Variants in ADCY2 observed in about 807,000 individuals in gnomAD.
ADCY2 encodes the protein adenylate cyclase 2, also known as adenylate cyclase type 2.
Under a neutral mutation model 125.2 loss-of-function variants are expected in ADCY2, and 31 were observed. That is an observed-to-expected ratio of 0.25 (90% CI 0.19 to 0.33). ADCY2 has a LOEUF of 0.33. ADCY2 is among the 10% of genes least tolerant of loss of function. ADCY2 has a pLI of 1.00. For synonymous variants in ADCY2, 512 were observed against 548.4 expected (o/e 0.93, Z 0.93); for missense variants, 904 against 1,418.2 (o/e 0.64, Z 5.82).
intron 17 of ADCY2, among the ~76,000 whole-genome samples, chr5:7,769,949 G>A (rs1430282953): frequency 4.6e-5 from 7 of 152,116 alleles, no homozygotes; most frequent in East Asian, 1.9e-4. Flanking sequence ...TGCCAGAATC[G>A]CTGACTATCT....
At chr5:7,690,003 T>C (rs1740653818) in intron 4 of ADCY2, among the ~76,000 whole-genome samples, 1 of 152,226 alleles carries the variant, frequency 6.6e-6, no homozygotes, top group South Asian at 2.1e-4. Context: ...TATGTTAAAA[T>C]GAGTACAATA....
chr5:7,560,090 A>C (rs1005908839), intron 3 of ADCY2, among the ~76,000 whole-genome samples: 2 of 152,240 alleles, frequency 1.3e-5, no homozygotes, highest in Non-Finnish European at 2.9e-5. Context: ...ACATATGTGC[A>C]CTAACAGAGA....
At chr5:7,406,316 A>G (rs16878624) in intron 1 of ADCY2, among the ~76,000 whole-genome samples, 5,994 of 152,282 alleles carry the variant, frequency 0.039, 399 homozygotes, top group African/African-American at 0.14. Flanking sequence ...TTTCTCCATC[A>G]AGCCTGGGTG....
At chr5:7,586,786 C>T (rs575500775) in intron 3 of ADCY2, among the ~76,000 whole-genome samples, 7 of 152,106 alleles carry the variant, frequency 4.6e-5, no homozygotes, top group South Asian at 4.2e-4. Context: ...CTTTAATTTA[C>T]GACAAAGGCA....
chr5:7,700,640 G>T (rs961937894), intron 7 of ADCY2, among the ~76,000 whole-genome samples: 2 of 151,326 alleles, frequency 1.3e-5, no homozygotes, highest in Admixed American at 1.3e-4. Flanking sequence ...ATGCTGAAGC[G>T]ACTAAAATAT....
rs1301629447 is a variant in ADCY2 at position 7,396,915 on chromosome 5, A to G, written c.210+409A>G. 1.3e-5 allele frequency among the ~76,000 whole-genome samples: 2 copies of G among 152,156 alleles called. No homozygotes were observed. The highest frequency in any genetic ancestry group is 4.8e-5 in the African/African-American group (2 of 41,460). On this transcript the variant is annotated intron_variant, in intron 1 of 24. Coordinates refer to ENST00000338316, the MANE Select transcript of ADCY2 (RefSeq NM_020546.3). This position sits in a 1 kb window ranked among gnomAD's most constrained non-coding sequence, Gnocchi z 5.7. ...GAGTCGCTGTCTCCTGCCCGGTTCC[A>G]CTGGCATGGCCCCACAGTTGGCATT...
chr5:7,598,225 G>T (rs1446977654), intron 3 of ADCY2, among the ~76,000 whole-genome samples: 1 of 152,178 alleles, frequency 6.6e-6, no homozygotes, highest in Non-Finnish European at 1.5e-5. Context: ...TAGAGAAAGG[G>T]AAAGGTGGGA....
At chr5:7,798,494 C>T (rs2126516744) in intron 20 of ADCY2, 1 of 152,208 alleles carries the variant, frequency 6.6e-6, no homozygotes, top group East Asian at 1.9e-4. Flanking sequence ...AACTGATCCC[C>T]CTTCTCCACT....
At chr5:7,718,584 A>G (rs1038525461) in intron 12 of ADCY2, among the ~76,000 whole-genome samples, 4 of 152,242 alleles carry the variant, frequency 2.6e-5, no homozygotes, top group Middle Eastern at 3.4e-3. Context: ...TAAGCAATAA[A>G]GCATCTTGGT....
At chr5:7,696,833 A>T (rs1209874199) in intron 6 of ADCY2, among the ~76,000 whole-genome samples, 2 of 152,176 alleles carry the variant, frequency 1.3e-5, no homozygotes, top group Admixed American at 6.6e-5. Context: ...CTCTCACTGG[A>T]GATTGTAAAA....
At chr5:7,555,851 AGC>A (rs762225183) in intron 3 of ADCY2, among the ~76,000 whole-genome samples, 2,297 of 128,692 alleles carry the variant, frequency 0.018, 56 homozygotes, top group African/African-American at 0.063. Context: ...GACACATGTG[AGC>A]GCACACACAC....
intron 4 of ADCY2, among the ~76,000 whole-genome samples, chr5:7,644,329 G>A (rs1216273585): frequency 2.0e-5 from 3 of 151,988 alleles, no homozygotes; most frequent in East Asian, 3.9e-4. Context: ...TCTACTTGGG[G>A]AAAAACTATT....
At chr5:7,648,665 T>C (rs1738981072) in intron 4 of ADCY2, among the ~76,000 whole-genome samples, 1 of 152,206 alleles carries the variant, frequency 6.6e-6, no homozygotes, top group South Asian at 2.1e-4. Flanking sequence ...GTATACAATA[T>C]ACCAGTCTCA....
intron 4 of ADCY2, among the ~76,000 whole-genome samples, chr5:7,668,251 C>G (rs185975971): frequency 6.6e-6 from 1 of 152,290 alleles, no homozygotes; most frequent in East Asian, 1.9e-4. Context: ...AGATTACCCT[C>G]TATAATGCGG....
intron 1 of ADCY2, among the ~76,000 whole-genome samples, chr5:7,403,175 T>C (rs1396672701): frequency 1.3e-5 from 2 of 151,782 alleles, no homozygotes; most frequent in Admixed American, 1.3e-4. Context: ...TTTAGGTATA[T>C]AGAGAAAAAA....
At chr5:7,477,732 A>G (rs1218382915) in intron 2 of ADCY2, among the ~76,000 whole-genome samples, 1 of 152,186 alleles carries the variant, frequency 6.6e-6, no homozygotes, top group African/African-American at 2.4e-5. Context: ...TTTGAGGCCT[A>G]ATCAGAACTA....
At chr5:7,784,614 G>C (rs1467160220) in intron 19 of ADCY2, among the ~76,000 whole-genome samples, 165 bp downstream of exon 19, 10 of 152,194 alleles carry the variant, frequency 6.6e-5, no homozygotes, top group Non-Finnish European at 1.3e-4. Context: ...TGGATGCTTC[G>C]ATATAGACAA....
chr5:7,828,949 G>A lies in ADCY2; in HGVS notation c.*2078G>A, dbSNP rs1407024711. The A allele has an allele frequency of 1.3e-5, 2 of 152,312 alleles. No individual in the cohort carries two copies. The highest frequency in any genetic ancestry group is 2.9e-5 in the Non-Finnish European group (2 of 68,070). The allele number at this position is 152,312 out of a possible 1,614,324, so 9.4% of individuals were successfully genotyped here. A position where few individuals can be genotyped will look rare whatever the true frequency, so the allele number is the denominator to read the frequency against. On this transcript the variant is annotated 3_prime_UTR_variant, in exon 25 of 25. Coordinates refer to ENST00000338316, the MANE Select transcript of ADCY2 (RefSeq NM_020546.3). Reference sequence around the variant, plus strand: ...AGAGTCCCTCCCATTCCCCCACGGGGTGCACCGAACTTGGGTTTGCGCTAA... The same window carrying A: ...AGAGTCCCTCCCATTCCCCCACGGGATGCACCGAACTTGGGTTTGCGCTAA...
chr5:7,491,261 T>A (rs1477766432), intron 2 of ADCY2, among the ~76,000 whole-genome samples: 1 of 152,172 alleles, frequency 6.6e-6, no homozygotes, highest in East Asian at 1.9e-4. Context: ...AAATGATTTT[T>A]TTTTTTTTGA....
Sources: gnomAD v4.1 joint callset for allele counts (sites outside exome capture counted in the v4.1 genomes callset) on GRCh38, gnomAD v4.1.1 for gene constraint, Gnocchi (gnomAD v3.1) non-coding constraint, MANE v1.5 for transcripts, NCBI Gene and HGNC (gene_info 2026-07-23, HGNC 2026-07-21) for gene names.